REELD1: variants seen among roughly 807,000 people sequenced by gnomAD.
REELD1 encodes reelin domain-containing protein 1.
A neutral mutation model predicts 6.3 loss-of-function variants in REELD1; 12 were observed. That is an observed-to-expected ratio of 1.89 (90% CI 1.21 to 3.07). The LOEUF (loss-of-function observed/expected upper bound fraction) is 3.07, where lower values mean the gene tolerates loss of function less well. REELD1 is among the 30% of genes most tolerant of loss of function. The pLI is 0.00. For synonymous variants in REELD1, 57 were observed against 33.6 expected, an observed-to-expected ratio of 1.70 and a Z score of -2.42; for missense variants, 163 against 86.8, an observed-to-expected ratio of 1.88 and a Z score of -3.49.
At chr4:146,223,364 C>G (rs780157689) in intron 4 of REELD1, among the ~76,000 whole-genome samples, 2 of 152,156 alleles carry the variant, frequency 1.3e-5, no homozygotes, top group African/African-American at 4.8e-5. Context: ...CCTTCTCCCC[C>G]ACCTCCTGGT....
intron 5 of REELD1, among the ~76,000 whole-genome samples, chr4:146,225,791 C>T (rs768234016): frequency 6.6e-6 from 1 of 152,086 alleles, no homozygotes; most frequent in South Asian, 2.1e-4. Flanking sequence ...TGCCTGACTC[C>T]GCTGGAAACC....
intron 1 of REELD1, 27 bp downstream of exon 1, chr4:146,214,721 T>A (rs1348129444): frequency 6.6e-6 from 1 of 152,222 alleles, no homozygotes; most frequent in African/African-American, 2.4e-5. Flanking sequence ...ATTTATTTAT[T>A]TTTGTAGAGA....
At chr4:146,215,651 AT>A (rs3029290) in intron 2 of REELD1, among the ~76,000 whole-genome samples, 3,237 of 86,624 alleles carry the variant, frequency 0.037, 48 homozygotes, top group African/African-American at 0.096. Flanking sequence ...AGGGGAGGGC[AT>A]TTTTTTTTTT....
chr4:146,228,077 C>A, intron 5 of REELD1, 133 bp from the exon 6 acceptor site: 1 of 607,478 alleles, frequency 1.6e-6, no homozygotes, highest in Non-Finnish European at 2.9e-6. Flanking sequence ...CTTTTAAGTG[C>A]CTCACACTTA....
chr4:146,222,988 C>A (rs1578699241), intron 4 of REELD1, among the ~76,000 whole-genome samples: 4 of 152,202 alleles, frequency 2.6e-5, no homozygotes, highest in African/African-American at 9.6e-5. Context: ...AGGCTCTGTG[C>A]CTTGGCTTGT....
rs1263569271 is a variant in REELD1, at chr4:146,231,405, A to T, written c.*892A>T. 6.6e-6 allele frequency among the ~76,000 whole-genome samples: 1 copy of T among 152,244 alleles called. No individual in the cohort carries two copies. Among genetic ancestry groups the T allele is most frequent in the Non-Finnish European group, 1.5e-5 (1 of 68,048 alleles). On this transcript the variant is annotated 3_prime_UTR_variant, in exon 8 of 8. Coordinates refer to ENST00000623665, the MANE Select transcript of REELD1 (RefSeq NM_001354631.1). ...CAGGGAATATCAGGAAGAAAGCTTC[A>T]TGGATGAAGGTCATCTACCTGATCT...
In REELD1 at chr4:146,230,694, C is replaced by G; in HGVS notation, c.*181C>G. The stretch of plus-strand genomic sequence containing the variant: ...ATCAACAGAGGGAGTTATTCCTGAG[C>G]TTTGTTGTCTTAACATCTGTAATTG... On this transcript the variant is annotated 3_prime_UTR_variant, in exon 8 of 8. Transcript: ENST00000623665. 1 of 391,740 alleles carries G rather than the reference C, an allele frequency of 2.6e-6. No homozygotes were observed. The highest frequency in any genetic ancestry group is 2.1e-5 in the African/African-American group (1 of 48,646). The allele number at this position is 391,740 out of a possible 1,614,324, so 24.3% of individuals were successfully genotyped here.
rs1054059919 is a variant in REELD1 at position 146,231,519 on chromosome 4, A to T, written c.*1006A>T. Among the ~76,000 whole-genome samples, 1 of 152,236 alleles carries T rather than the reference A, an allele frequency of 6.6e-6. No homozygotes were observed. Among genetic ancestry groups the T allele is most frequent in the African/African-American group, 2.4e-5 (1 of 41,460 alleles). ...CAACAGATCTGAATATAACTCTTAA[A>T]TATGCTCACCTAATATAGCACATAG... is the stretch of plus-strand genomic sequence containing the variant. On this transcript the variant is annotated 3_prime_UTR_variant, in exon 8 of 8. Transcript: ENST00000623665.
At chr4:146,225,807 C>T (rs1462475229) in intron 5 of REELD1, among the ~76,000 whole-genome samples, 2 of 152,136 alleles carry the variant, frequency 1.3e-5, no homozygotes, top group African/African-American at 2.4e-5. Flanking sequence ...AAACCTTGTC[C>T]GCTGGGGGTT....
chr4:146,216,040 C>T lies in REELD1; in HGVS notation c.-12+842C>T, dbSNP rs548832265. On this transcript the variant is annotated intron_variant, in intron 2 of 7. Transcript: ENST00000623665. ...TGCTAGGATTACAGGCGTGAGCCAC[C>T]GCACCTGGCCTAAAACAGAACTGTT... Among the ~76,000 whole-genome samples, 70 of 152,262 alleles carry T rather than the reference C, an allele frequency of 4.6e-4. No individual in the cohort carries two copies. The South Asian group carries it at 5.6e-3, about 12-fold the overall frequency.
Position 146,232,021 on chromosome 4 carries a change from T to G in REELD1, c.*1508T>G, listed in dbSNP as rs1448948603. On this transcript the variant is annotated 3_prime_UTR_variant, in exon 8 of 8. Transcript: ENST00000623665. ...CTGTAGTCTAATAAGGCCACAGATA[T>G]CCCTTCTGTATGTCTAGCCCTCTAA... 4 of 152,200 alleles carry G rather than the reference T, an allele frequency of 2.6e-5. No individual in the cohort carries two copies. The highest frequency in any genetic ancestry group is 5.9e-5 in the Non-Finnish European group (4 of 68,042). 9.4% of individuals were successfully genotyped at this position (152,200 alleles called of 1,614,324 possible).
rs2110921788 is a variant in REELD1 at position 146,224,459 on chromosome 4, A to G, written c.446A>G (p.Gln149Arg). The change falls in exon 5 of 8, where the codon CAG becomes CGG. Residue 149 changes from glutamine to arginine, a missense_variant. By Grantham distance (43) the Gln-to-Arg change is conservative. Transcript: ENST00000623665. ...TCTTTCCCCAGTTTATCAGTAGTCC[A>G]GTCATATTTTGTTTACTGGGCAAGG... ...GDIKFLLSVV[Q>R]SYFVYWARIE... 1 of 650,600 alleles carries G rather than the reference A, an allele frequency of 1.5e-6. No homozygotes were observed. The highest frequency in any genetic ancestry group is 2.8e-6 in the Non-Finnish European group (1 of 355,526). The allele number at this position is 650,600 out of a possible 1,614,324, so 40.3% of individuals were successfully genotyped here. A position where few individuals can be genotyped will look rare whatever the true frequency, so the allele number is the denominator to read the frequency against.
intron 2 of REELD1, among the ~76,000 whole-genome samples, chr4:146,216,681 A>T (rs756186802): frequency 3.9e-5 from 6 of 152,236 alleles, no homozygotes; most frequent in Non-Finnish European, 7.3e-5. Context: ...CTTTTGAACA[A>T]CAACAAAAAA....
rs556108995 is a variant in REELD1 at position 146,215,188 on chromosome 4, T to A, written c.-22T>A. The A allele has an allele frequency of 2.0e-5, 3 of 152,568 alleles. No homozygotes were observed. The highest frequency in any genetic ancestry group is 7.2e-5 in the African/African-American group (3 of 41,568). 9.5% of individuals were successfully genotyped at this position (152,568 alleles called of 1,614,324 possible). ...CTCCTGCCTCAGCCTCCTGAGCAAC[T>A]GGAACTATAGGTGCGCACCACCATG... On this transcript the variant is annotated 5_prime_UTR_variant, in exon 2 of 8. Coordinates refer to ENST00000623665, the MANE Select transcript of REELD1 (RefSeq NM_001354631.1).
rs1731135387 is a variant in REELD1 at position 146,231,766 on chromosome 4, C to A, written c.*1253C>A. Reference sequence around the variant, plus strand: ...CAAGGAGAATGAGGCTTTCCTTATACCTCAATTTAACAATTTTTAAAAATT... The same window carrying A: ...CAAGGAGAATGAGGCTTTCCTTATAACTCAATTTAACAATTTTTAAAAATT... On this transcript the variant is annotated 3_prime_UTR_variant, in exon 8 of 8. Transcript: ENST00000623665. The A allele has an allele frequency of 6.6e-6, 1 of 152,128 alleles. No individual in the cohort carries two copies. Among genetic ancestry groups the A allele is most frequent in the Non-Finnish European group, 1.5e-5 (1 of 68,028 alleles). 9.4% of individuals were successfully genotyped at this position (152,128 alleles called of 1,614,324 possible). A position where few individuals can be genotyped will look rare whatever the true frequency, so the allele number is the denominator to read the frequency against.
intron 7 of REELD1, 136 bp downstream of exon 7, chr4:146,229,224 A>G: frequency 1.7e-6 from 1 of 599,078 alleles, no homozygotes. Context: ...ATATACACAC[A>G]GTGTCTTTCT....
Position 146,219,111 on chromosome 4 carries a change from C to A in REELD1, c.208+1951C>A, listed in dbSNP as rs151288685. On this transcript the variant is annotated intron_variant, in intron 3 of 7. Transcript: ENST00000623665. Reference sequence around the variant, plus strand: ...AGGTTGCAGTGAACTGAGATAGCCCCACTGCACTCCAGCCTGGGTGACAGT... The same window carrying A: ...AGGTTGCAGTGAACTGAGATAGCCCAACTGCACTCCAGCCTGGGTGACAGT... Among the ~76,000 whole-genome samples, 959 of 152,260 alleles carry A rather than the reference C, an allele frequency of 6.3e-3. 7 individuals are homozygous for A. Among genetic ancestry groups the A allele is most frequent in the African/African-American group, 0.022 (908 of 41,544 alleles).
chr4:146,219,874 G>A (rs1255073466), intron 3 of REELD1, among the ~76,000 whole-genome samples: 1 of 152,052 alleles, frequency 6.6e-6, no homozygotes, highest in Non-Finnish European at 1.5e-5. Flanking sequence ...TCTGTTTAAT[G>A]TTTATATTTT....
intron 3 of REELD1, among the ~76,000 whole-genome samples, chr4:146,218,658 C>G (rs1375181204): frequency 1.3e-5 from 2 of 152,188 alleles, no homozygotes; most frequent in African/African-American, 4.8e-5. Flanking sequence ...GCTTCCCAAA[C>G]TTTGTCACAT....
Sources: gnomAD v4.1 joint callset for allele counts (sites outside exome capture counted in the v4.1 genomes callset) on GRCh38, gnomAD v4.1.1 for gene constraint, MANE v1.5 for transcripts, NCBI Gene and HGNC (gene_info 2026-07-23, HGNC 2026-07-21) for gene names.